ZNF487: variants seen among roughly 807,000 people sequenced by gnomAD.
ZNF487 encodes the protein zinc finger protein 487, also known as KRAB domain only 1.
ZNF487 carries 4 observed loss-of-function variants against 3.0 expected under a neutral mutation model. The observed-to-expected ratio is 1.35, with a 90% CI of 0.66 to 3.08. The LOEUF is 3.08. Ranked by LOEUF, ZNF487 falls within the 30% of genes most tolerant of loss-of-function variation. The pLI is 0.01. For missense variants in ZNF487, 146 were observed against 98.7 expected (o/e 1.48, Z -2.03); for synonymous variants, 55 against 34.6 (o/e 1.59, Z -2.06).
intron 3 of ZNF487, among the ~76,000 whole-genome samples, chr10:43,480,726 CTCTTT>C (rs1311880522): frequency 6.6e-6 from 1 of 150,592 alleles, no homozygotes; most frequent in Non-Finnish European, 1.5e-5. Flanking sequence ...CTCTCTCTCT[CTCTTT>C]TTTTTTTTTA....
intron 3 of ZNF487, among the ~76,000 whole-genome samples, chr10:43,479,729 C>A (rs1306157777): frequency 6.6e-6 from 1 of 151,958 alleles, no homozygotes; most frequent in Non-Finnish European, 1.5e-5. Context: ...CTCACTGCAA[C>A]CTCCGCCTCT....
At chr10:43,514,874 T>G in the ZNF487 span, among the ~76,000 whole-genome samples, 1 of 152,164 alleles carries the variant, frequency 6.6e-6, no homozygotes, top group Non-Finnish European at 1.5e-5. Context: ...CCAGCTGGGA[T>G]GAGTAGGTCT....
chr10:43,509,251 A>C, the ZNF487 span, among the ~76,000 whole-genome samples: 1 of 151,762 alleles, frequency 6.6e-6, no homozygotes, highest in Non-Finnish European at 1.5e-5. Flanking sequence ...CTGCACCTGC[A>C]TCTAGCAGCC....
intron 1 of ZNF487, among the ~76,000 whole-genome samples, chr10:43,468,401 C>T (rs1333694240): frequency 2.0e-5 from 3 of 152,078 alleles, no homozygotes; most frequent in South Asian, 2.1e-4. Flanking sequence ...AAGAGCCGGC[C>T]GGGTGCAGTG....
the ZNF487 span, among the ~76,000 whole-genome samples, chr10:43,510,476 T>A: frequency 6.6e-6 from 1 of 152,210 alleles, no homozygotes; most frequent in Non-Finnish European, 1.5e-5. Context: ...CTTACCTCCA[T>A]TGTGGAGTAG....
intron 1 of ZNF487, among the ~76,000 whole-genome samples, chr10:43,468,305 G>C (rs960210880): frequency 2.6e-5 from 4 of 152,156 alleles, no homozygotes; most frequent in Non-Finnish European, 5.9e-5. Context: ...CAGGGTTTTA[G>C]AGGATTGAAT....
At chr10:43,517,429 C>T in the ZNF487 span, among the ~76,000 whole-genome samples, 2 of 152,318 alleles carry the variant, frequency 1.3e-5, no homozygotes, top group East Asian at 3.9e-4. Context: ...TAGAATCTGT[C>T]CACATTGCAA....
chr10:43,486,369 A>T (rs986693476), downstream of ZNF487, among the ~76,000 whole-genome samples: 32 of 152,146 alleles, frequency 2.1e-4, no homozygotes, highest in African/African-American at 7.7e-4. Flanking sequence ...TCCACTAAAA[A>T]TACAAAATTA....
intron 1 of ZNF487, among the ~76,000 whole-genome samples, chr10:43,443,714 G>A (rs1428884014): frequency 1.3e-5 from 2 of 151,166 alleles, no homozygotes; most frequent in Non-Finnish European, 2.9e-5. Context: ...TAGAGATGGA[G>A]GTCTCACTAT....
At chr10:43,495,279 T>C in the ZNF487 span, among the ~76,000 whole-genome samples, 1 of 151,554 alleles carries the variant, frequency 6.6e-6, no homozygotes, top group African/African-American at 2.4e-5. Flanking sequence ...AGTCTTGCTC[T>C]GTCTCCCAGT....
At chr10:43,500,913 G>A in the ZNF487 span, among the ~76,000 whole-genome samples, 1 of 152,112 alleles carries the variant, frequency 6.6e-6, no homozygotes, top group Non-Finnish European at 1.5e-5. Flanking sequence ...AAATTGTCAC[G>A]CTCTCTAAAT....
chr10:43,519,407 G>A, the ZNF487 span, among the ~76,000 whole-genome samples: 1 of 151,256 alleles, frequency 6.6e-6, no homozygotes, highest in Non-Finnish European at 1.5e-5. Flanking sequence ...GATTTACCTT[G>A]TTACTAGCCT....
intron 1 of ZNF487, among the ~76,000 whole-genome samples, chr10:43,466,053 C>T (rs185693384): frequency 2.0e-5 from 3 of 152,258 alleles, no homozygotes; most frequent in African/African-American, 7.2e-5. Context: ...TCAGGCGTGG[C>T]GGTGCGCGCC....
chr10:43,493,099 G>A, the ZNF487 span, among the ~76,000 whole-genome samples: 2 of 152,130 alleles, frequency 1.3e-5, no homozygotes, highest in South Asian at 2.1e-4. Context: ...GTGTGGTGTC[G>A]CATGCCTGTA....
the ZNF487 span, among the ~76,000 whole-genome samples, chr10:43,502,290 C>G: frequency 6.6e-6 from 1 of 152,058 alleles, no homozygotes; most frequent in East Asian, 1.9e-4. Flanking sequence ...GAACAGAAAA[C>G]CAAACACCGC....
In ZNF487 at chr10:43,475,749, TG is replaced by T; in HGVS notation, c.-62del. The T allele has an allele frequency of 1.3e-6, 1 of 780,772 alleles. No individual in the cohort carries two copies. The highest frequency in any genetic ancestry group is 2.4e-5 in the East Asian group (1 of 41,252). The allele number at this position is 780,772 out of a possible 1,614,324, so 48.4% of individuals were successfully genotyped here. ...TCAGTGTCCTTCAGTGATGTGGCTGTGGGCTTCACCCAGGAGGAGTGGCAGC... is the reference window on the plus strand; with the variant it reads ...TCAGTGTCCTTCAGTGATGTGGCTGTGGCTTCACCCAGGAGGAGTGGCAGC... On this transcript the variant is annotated 5_prime_UTR_variant, in exon 2 of 4. Transcript: ENST00000437590.
the ZNF487 span, among the ~76,000 whole-genome samples, chr10:43,522,044 A>C: frequency 6.6e-6 from 1 of 152,252 alleles, no homozygotes. Flanking sequence ...AAGATACAAC[A>C]GCAGAATAAA....
chr10:43,461,058 G>C (rs1840414161), intron 1 of ZNF487, among the ~76,000 whole-genome samples: 1 of 151,344 alleles, frequency 6.6e-6, no homozygotes, highest in Admixed American at 6.6e-5. Context: ...CCAGGCTGGA[G>C]TGCAATGGCG....
Position 43,481,937 on chromosome 10 carries a change from T to A in ZNF487, c.*15T>A, listed in dbSNP as rs1298607040. The stretch of plus-strand genomic sequence containing the variant: ...AGACCCTGTGAATATAATGAACATG[T>A]GAGAGCCTTTTCCGATAGACCAATA... On this transcript the variant is annotated 3_prime_UTR_variant, in exon 4 of 4. Transcript: ENST00000437590. 1 of 634,334 alleles carries A rather than the reference T, an allele frequency of 1.6e-6. No individual in the cohort carries two copies. Among genetic ancestry groups the A allele is most frequent in the East Asian group, 2.7e-5 (1 of 36,484 alleles). 39.3% of individuals were successfully genotyped at this position (634,334 alleles called of 1,614,324 possible).
Sources: allele counts gnomAD v4.1 joint callset (sites outside exome capture counted in the v4.1 genomes callset), GRCh38; gene constraint gnomAD v4.1.1; transcripts MANE v1.5; gene names NCBI Gene and HGNC (gene_info 2026-07-23, HGNC 2026-07-21).